Variants in GAPVD1 observed in about 807,000 individuals in gnomAD.
GAPVD1 encodes the protein GTPase-activating protein and VPS9 domain-containing protein 1.
A neutral mutation model predicts 155.5 loss-of-function variants in GAPVD1; 35 were observed. That is an observed-to-expected ratio of 0.23 (90% CI 0.17 to 0.30). GAPVD1 has a LOEUF of 0.30. GAPVD1 is among the 10% of genes least tolerant of loss of function. The pLI is 1.00. For missense variants in GAPVD1, 1,429 were observed against 1,775.7 expected (o/e 0.80, Z 3.51); for synonymous variants, 636 against 619.7 (o/e 1.03, Z -0.39).
At chr9:125,275,042 G>T (rs1835544308) in intron 2 of GAPVD1, among the ~76,000 whole-genome samples, 1 of 151,658 alleles carries the variant, frequency 6.6e-6, no homozygotes, top group African/African-American at 2.4e-5. Context: ...CTTTTTTGTT[G>T]TTGTTGCTGT....
At chr9:125,331,278 G>A (rs1369832692) in intron 13 of GAPVD1, among the ~76,000 whole-genome samples, 2 of 151,734 alleles carry the variant, frequency 1.3e-5, no homozygotes, top group Admixed American at 6.6e-5. Context: ...ACGGCTCAGT[G>A]CAATCTCTGC....
intron 3 of GAPVD1, among the ~76,000 whole-genome samples, chr9:125,298,264 A>G (rs1347886698): frequency 6.6e-6 from 1 of 152,198 alleles, no homozygotes; most frequent in Admixed American, 6.5e-5. Flanking sequence ...AGCACAGTCA[A>G]GGATAACTCT....
At chr9:125,304,495 A>G (rs1248814861) in intron 5 of GAPVD1, among the ~76,000 whole-genome samples, 1 of 152,194 alleles carries the variant, frequency 6.6e-6, no homozygotes, top group Non-Finnish European at 1.5e-5. Context: ...CCCAGATATT[A>G]AGAAGAGGAT....
chr9:125,268,189 A>G (rs973304695), intron 1 of GAPVD1, among the ~76,000 whole-genome samples: 7 of 126,778 alleles, frequency 5.5e-5, no homozygotes, highest in Admixed American at 1.7e-4. Flanking sequence ...ACAAACAAAC[A>G]AACAACCCCC....
At chr9:125,307,021 T>G (rs1410484718) in intron 6 of GAPVD1, among the ~76,000 whole-genome samples, 1 of 152,032 alleles carries the variant, frequency 6.6e-6, no homozygotes, top group Non-Finnish European at 1.5e-5. Context: ...TTTTTGGCAC[T>G]TTGGGAGGCC....
At chr9:125,343,700 A>G (rs958753587) in intron 19 of GAPVD1, among the ~76,000 whole-genome samples, 3 of 152,220 alleles carry the variant, frequency 2.0e-5, no homozygotes, top group African/African-American at 7.2e-5. Context: ...CATGCCAGGC[A>G]CTGTGCTAAG....
chr9:125,358,494 G>GGCT (rs1384881648), intron 25 of GAPVD1, among the ~76,000 whole-genome samples: 1 of 152,188 alleles, frequency 6.6e-6, no homozygotes, highest in East Asian at 1.9e-4. Flanking sequence ...CAGTGACAGT[G>GGCT]GCTTACTGTG....
Position 125,367,087 on chromosome 9 carries a change from A to G in GAPVD1, c.*4341A>G, listed in dbSNP as rs1210347248. 1 of 152,210 alleles carries G rather than the reference A, an allele frequency of 6.6e-6. No individual in the cohort carries two copies. Among genetic ancestry groups the G allele is most frequent in the African/African-American group, 2.4e-5 (1 of 41,456 alleles). 9.4% of individuals were successfully genotyped at this position (152,210 alleles called of 1,614,324 possible). ...AGATAAAACCTTTCTATAAGTCTCA[A>G]TTAATGAGCTTGCACAATCTTGTAT... is the stretch of plus-strand genomic sequence containing the variant. On this transcript the variant is annotated 3_prime_UTR_variant, in exon 28 of 28. Transcript: ENST00000297933.
intron 11 of GAPVD1, 42 bp from the exon 12 acceptor site, chr9:125,326,374 C>G (rs1229542449): frequency 7.5e-7 from 1 of 1,331,684 alleles, no homozygotes; most frequent in Non-Finnish European, 1.1e-6. Context: ...AAAGTCATAG[C>G]TGTGCTACTA....
chr9:125,349,776 A>G (rs1467333004), intron 21 of GAPVD1, among the ~76,000 whole-genome samples: 1 of 152,128 alleles, frequency 6.6e-6, no homozygotes, highest in Non-Finnish European at 1.5e-5. Flanking sequence ...AGACAGGTGG[A>G]TCGCTGGAGC....
chr9:125,356,945 G>A (rs571569717), intron 25 of GAPVD1, among the ~76,000 whole-genome samples: 3 of 152,334 alleles, frequency 2.0e-5, no homozygotes, highest in Admixed American at 2.0e-4. Context: ...AAAGTGCTGA[G>A]ATGACAGGCA....
chr9:125,294,186 G>T (rs1483820491), intron 2 of GAPVD1, among the ~76,000 whole-genome samples: 1 of 151,456 alleles, frequency 6.6e-6, no homozygotes, highest in Non-Finnish European at 1.5e-5. Context: ...GATTACAGGC[G>T]TGAGCCACTG....
intron 25 of GAPVD1, among the ~76,000 whole-genome samples, chr9:125,357,014 C>T (rs140497430): frequency 1.3e-5 from 2 of 152,122 alleles, no homozygotes; most frequent in Admixed American, 6.6e-5. Context: ...GCTGTGTTTC[C>T]GAGGTTGGTC....
intron 17 of GAPVD1, 30 bp downstream of exon 17, chr9:125,337,621 A>G (rs1847231483): frequency 1.3e-6 from 2 of 1,577,716 alleles, no homozygotes; most frequent in Admixed American, 3.6e-5. Flanking sequence ...AAAAAGAATT[A>G]TGTTCTGCCT....
At chr9:125,334,270 TAAAAAA>T (rs780577226) in intron 15 of GAPVD1, among the ~76,000 whole-genome samples, 1 of 104,478 alleles carries the variant, frequency 9.6e-6, no homozygotes, top group Non-Finnish European at 2.0e-5. Context: ...CACTCACAGT[TAAAAAA>T]AAAAAAAAAA....
intron 20 of GAPVD1, 118 bp from the exon 21 acceptor site, chr9:125,349,272 G>T: frequency 1.3e-6 from 1 of 796,366 alleles, no homozygotes. Context: ...TTTTTTTCCA[G>T]AGAACTCTTA....
chr9:125,326,334 A>G (rs2131634965), intron 11 of GAPVD1, 82 bp from the exon 12 acceptor site: 1 of 971,588 alleles, frequency 1.0e-6, no homozygotes, highest in Non-Finnish European at 1.6e-6. Context: ...CCTGACCAAC[A>G]TGGAGATAAA....
intron 9 of GAPVD1, among the ~76,000 whole-genome samples, chr9:125,313,196 C>T (rs539556733): frequency 6.6e-5 from 10 of 152,224 alleles, no homozygotes; most frequent in African/African-American, 2.2e-4. Flanking sequence ...TCTCCAAAGG[C>T]CCGATCTCCA....
rs1280926925 is a variant in GAPVD1, at chr9:125,302,710, A to G, written c.913A>G (p.Met305Val). 4 of 1,613,856 alleles carry G rather than the reference A, an allele frequency of 2.5e-6. No individual in the cohort carries two copies. The Admixed American group carries it at 6.7e-5, about 27-fold the overall frequency. Residue 305 changes from methionine (M) to valine (V), a missense_variant, in exon 5 of 28, where the codon ATG becomes GTG. By Grantham distance (21) the Met-to-Val change is conservative. This residue lies in a region of GAPVD1 where 628 missense variants were observed against 733.4 expected (regional missense o/e 0.86). Transcript: ENST00000297933. ...GCTGGAAGTTGGGGAGGTCAGGGCA[A>G]TGTGTACTGATCTCCTGTTGGCCTG... is the stretch of plus-strand genomic sequence containing the variant. Reference protein sequence around the residue: ...DRLEVGEVRAMCTDLLLACFI... With the variant: ...DRLEVGEVRAVCTDLLLACFI...
Sources: allele counts gnomAD v4.1 joint callset (sites outside exome capture counted in the v4.1 genomes callset), GRCh38; gene constraint gnomAD v4.1.1; regional missense constraint gnomAD v4.1.1; transcripts MANE v1.5; gene names NCBI Gene and HGNC (gene_info 2026-07-23, HGNC 2026-07-21).